The following FAR1 variants were observed in gnomAD, a reference collection of about 807,000 sequenced individuals.
The protein encoded by FAR1 is male sterility domain-containing protein 2.
A neutral mutation model predicts 61.1 loss-of-function variants in FAR1; 22 were observed. That is an observed-to-expected ratio of 0.36 (90% CI 0.26 to 0.51). The LOEUF is 0.51. FAR1 is among the 20% of genes least tolerant of loss of function. The pLI, the probability that FAR1 is intolerant of heterozygous loss-of-function variation, is 0.95. For synonymous variants in FAR1, 206 were observed against 209.7 expected (o/e 0.98, Z 0.15); for missense variants, 359 against 626.9 (o/e 0.57, Z 4.56).
intron 2 of FAR1, among the ~76,000 whole-genome samples, chr11:13,696,748 A>G (rs551493813): frequency 1.3e-5 from 2 of 150,882 alleles, no homozygotes; most frequent in East Asian, 1.9e-4. Flanking sequence ...TCCATTATGT[A>G]TAGCATTGCT....
intron 10 of FAR1, among the ~76,000 whole-genome samples, chr11:13,722,858 C>CTCTCTCTCTA (rs905924337): frequency 0.017 from 2,513 of 147,780 alleles, 28 homozygotes; most frequent in South Asian, 0.025. Context: ...CTCTCTCTCT[C>CTCTCTCTCTA]TATATATATA....
In FAR1 at chr11:13,668,983, G is replaced by A. The variant is rs555103124; in HGVS notation, c.-8+177G>A. Among the ~76,000 whole-genome samples the A allele has an allele frequency of 6.5e-3, 984 of 151,360 alleles. 9 individuals are homozygous for A. The highest frequency in any genetic ancestry group is 0.022 in the African/African-American group (916 of 41,356). On this transcript the variant is annotated intron_variant, in intron 1 of 11. Coordinates refer to ENST00000354817, the MANE Select transcript of FAR1 (RefSeq NM_032228.6). ...GAAGTGAGGGCGCCCGCCTCACCCC[G>A]GGTGGTCTCTGCCCCTCTTTGCCCC...
chr11:13,692,976 A>G (rs940016015), intron 1 of FAR1, among the ~76,000 whole-genome samples: 6 of 152,140 alleles, frequency 3.9e-5, no homozygotes, highest in Non-Finnish European at 8.8e-5. Flanking sequence ...ATAATGGAAT[A>G]GGGTGGTTGG....
intron 10 of FAR1, among the ~76,000 whole-genome samples, chr11:13,723,059 G>T (rs1024950814): frequency 1.3e-5 from 2 of 151,940 alleles, no homozygotes; most frequent in South Asian, 4.2e-4. Flanking sequence ...TTTGGAACAT[G>T]ATTTCAGCAC....
At position 13,710,827 on chromosome 11, in the gene FAR1, T is replaced by G; in HGVS notation, c.680T>G (p.Val227Gly). 1 of 1,612,424 alleles carries G rather than the reference T, an allele frequency of 6.2e-7. No individual in the cohort carries two copies. The highest frequency in any genetic ancestry group is 8.5e-7 in the Non-Finnish European group (1 of 1,179,388). Residue 227 changes from valine to glycine, a missense_variant, in exon 5 of 12, where the codon GTA becomes GGA. By Grantham distance (109) the Val-to-Gly change is moderately radical. Around this residue, in one of 2 missense-constraint regions of FAR1, gnomAD observed 344 missense variants for 570.3 expected, o/e 0.60. Transcript: ENST00000354817. ...GGAGCAAAACTAAATGTGGCAATTG[T>G]AAGGCCATCGATTGTTGGTGCCAGT... ...QEGAKLNVAIVRPSIVGASWK... is the reference protein window; with the variant it reads ...QEGAKLNVAIGRPSIVGASWK...
intron 10 of FAR1, 102 bp from the exon 11 acceptor site, chr11:13,727,454 A>G: frequency 9.7e-7 from 1 of 1,028,292 alleles, no homozygotes; most frequent in Non-Finnish European, 1.4e-6. Flanking sequence ...GAATTTTGTA[A>G]TTATGTCACT....
rs2134205290 is a variant in FAR1 at position 13,730,136 on chromosome 11, T to C, written c.*1362T>C. ...AACACTTCTAATTAAGTTTATCAAGTTGTACTGTATTAGATAATCAGCAGT... is the reference window on the plus strand; with the variant it reads ...AACACTTCTAATTAAGTTTATCAAGCTGTACTGTATTAGATAATCAGCAGT... On this transcript the variant is annotated 3_prime_UTR_variant, in exon 12 of 12. Coordinates refer to ENST00000354817, the MANE Select transcript of FAR1 (RefSeq NM_032228.6). 6.6e-6 allele frequency: 1 copy of C among 152,580 alleles called. No homozygotes were observed. The highest frequency in any genetic ancestry group is 1.5e-5 in the Non-Finnish European group (1 of 67,878). 9.5% of individuals were successfully genotyped at this position (152,580 alleles called of 1,614,324 possible).
intron 1 of FAR1, among the ~76,000 whole-genome samples, chr11:13,681,134 A>G (rs893887292): frequency 2.6e-5 from 4 of 152,224 alleles, no homozygotes; most frequent in African/African-American, 9.7e-5. Flanking sequence ...AGTTAATTGA[A>G]CATGGGAATG....
intron 3 of FAR1, 122 bp downstream of exon 3, chr11:13,700,614 T>A: frequency 1.7e-6 from 1 of 590,360 alleles, no homozygotes; most frequent in South Asian, 4.1e-5. Context: ...CTATGTTAAC[T>A]GTGGCTTTCA....
intron 1 of FAR1, among the ~76,000 whole-genome samples, chr11:13,669,162 T>G (rs946455194): frequency 6.6e-6 from 1 of 152,126 alleles, no homozygotes; most frequent in Non-Finnish European, 1.5e-5. Context: ...CTCCGCGTGC[T>G]CGCGGGAGGG....
chr11:13,685,124 T>C (rs1392012225), intron 1 of FAR1, among the ~76,000 whole-genome samples: 3 of 152,176 alleles, frequency 2.0e-5, no homozygotes, highest in Non-Finnish European at 4.4e-5. Flanking sequence ...TTTATTCAAA[T>C]TGATAGTGAC....
chr11:13,689,194 C>G (rs772887489), intron 1 of FAR1, among the ~76,000 whole-genome samples: 9 of 152,024 alleles, frequency 5.9e-5, no homozygotes, highest in African/African-American at 9.7e-5. Flanking sequence ...ATAATAAATT[C>G]AGAAAGTCCA....
chr11:13,710,964 A>T, intron 5 of FAR1, 94 bp downstream of exon 5: 1 of 1,079,718 alleles, frequency 9.3e-7, no homozygotes, highest in South Asian at 1.5e-5. Context: ...AAGAACAGGT[A>T]TTATTTACTA....
At chr11:13,728,185 A>G (rs180924426) in intron 11 of FAR1, among the ~76,000 whole-genome samples, 32 of 151,998 alleles carry the variant, frequency 2.1e-4, no homozygotes, top group African/African-American at 7.5e-4. Flanking sequence ...GAGCTGAAAC[A>G]TGAGAGTAAC....
chr11:13,715,938 G>A (rs370565039), intron 9 of FAR1: 7 of 152,248 alleles, frequency 4.6e-5, no homozygotes, highest in South Asian at 4.1e-4. Context: ...TGAGTTCCTC[G>A]TAGGTATTGT....
chr11:13,691,098 G>T (rs1026564843), intron 1 of FAR1, among the ~76,000 whole-genome samples: 3 of 152,188 alleles, frequency 2.0e-5, no homozygotes, highest in African/African-American at 7.2e-5. Context: ...AGGCTGGGAA[G>T]TTCAAGATCA....
intron 10 of FAR1, among the ~76,000 whole-genome samples, chr11:13,722,285 A>G (rs1024303950): frequency 1.3e-5 from 2 of 151,962 alleles, no homozygotes; most frequent in South Asian, 2.1e-4. Flanking sequence ...TTCTTTGTGT[A>G]TGTTCTTTTT....
At chr11:13,671,264 G>A (rs941934638) in intron 1 of FAR1, among the ~76,000 whole-genome samples, 2 of 152,196 alleles carry the variant, frequency 1.3e-5, no homozygotes, top group African/African-American at 4.8e-5. Context: ...ACATGAGGAT[G>A]ACATTCCAGT....
intron 2 of FAR1, among the ~76,000 whole-genome samples, chr11:13,699,195 G>A (rs987071448): frequency 2.6e-5 from 4 of 152,066 alleles, no homozygotes; most frequent in African/African-American, 7.2e-5. Context: ...TGGGTTAGTT[G>A]TTTCTCCTAT....
Sources: allele counts gnomAD v4.1 joint callset (sites outside exome capture counted in the v4.1 genomes callset), GRCh38; gene constraint gnomAD v4.1.1; regional missense constraint gnomAD v4.1.1; transcripts MANE v1.5; gene names NCBI Gene and HGNC (gene_info 2026-07-23, HGNC 2026-07-21).